The following RAB38 variants were observed in gnomAD, a reference collection of about 807,000 sequenced individuals.
The protein encoded by RAB38 is ras-related protein Rab-38.
In RAB38, 15 loss-of-function variants were observed where a neutral mutation model predicts 18.4. That is an observed-to-expected ratio of 0.82 (90% CI 0.55 to 1.26). The LOEUF is 1.26. Ranked by LOEUF, RAB38 falls within the 50% of genes most tolerant of loss-of-function variation. RAB38 has a pLI of 0.00. For missense variants in RAB38, 294 were observed against 267.4 expected (o/e 1.10, Z -0.69); for synonymous variants, 101 against 104.4 (o/e 0.97, Z 0.20).
the RAB38 span, among the ~76,000 whole-genome samples, chr11:87,895,522 A>C: frequency 1.3e-5 from 2 of 151,730 alleles, no homozygotes; most frequent in African/African-American, 4.8e-5. Flanking sequence ...ATTTTAATTT[A>C]GTTCTCTTAT....
chr11:87,831,644 A>G, the RAB38 span, among the ~76,000 whole-genome samples: 17 of 152,322 alleles, frequency 1.1e-4, no homozygotes, highest in Non-Finnish European at 4.4e-5. Flanking sequence ...AAGGTGAGAA[A>G]TAAGTCAGAG....
chr11:87,877,577 T>G, the RAB38 span, among the ~76,000 whole-genome samples: 1 of 151,546 alleles, frequency 6.6e-6, no homozygotes. Context: ...GTATCCAATC[T>G]ATTACAAAAT....
the RAB38 span, among the ~76,000 whole-genome samples, chr11:87,958,252 A>C: frequency 6.6e-6 from 1 of 152,202 alleles, no homozygotes; most frequent in Non-Finnish European, 1.5e-5. Context: ...AGCACATATA[A>C]GTAGGCTCGG....
chr11:87,963,822 A>AT, the RAB38 span, among the ~76,000 whole-genome samples: 8 of 151,598 alleles, frequency 5.3e-5, no homozygotes, highest in Non-Finnish European at 1.0e-4. Flanking sequence ...AATTTTTTGT[A>AT]TTTTTAGTAG....
rs1037202963 is a variant in RAB38, at chr11:88,149,867, T to C, written c.291A>G (p.Thr97=). 2.5e-6 allele frequency: 4 copies of C among 1,614,072 alleles called. No homozygotes were observed. The highest frequency in any genetic ancestry group is 1.3e-5 in the African/African-American group (1 of 75,020). ...TTTTCCACTTTGCCACTGCTTCAAA[T>C]GTGGCTGGCCTGGTGACATCGAAGA... ...FIVFDVTRPA[T]FEAVAKWKND... The change falls in exon 2 of 3, where the codon ACA becomes ACG. Residue 97 remains threonine, a synonymous_variant. Transcript: ENST00000243662.
chr11:88,090,763 CA>C, the RAB38 span, among the ~76,000 whole-genome samples: 1 of 151,788 alleles, frequency 6.6e-6, no homozygotes, highest in Non-Finnish European at 1.5e-5. Flanking sequence ...TAACAAATGC[CA>C]AAAAACCTAC....
the RAB38 span, among the ~76,000 whole-genome samples, chr11:87,831,389 CTAAA>C: frequency 7.2e-5 from 11 of 152,128 alleles, no homozygotes; most frequent in African/African-American, 2.4e-4. Context: ...GTGGAATAGA[CTAAA>C]TAAGTGCCAA....
intron 1 of RAB38, chr11:88,166,923 A>G (rs1943252810): frequency 6.6e-6 from 1 of 152,192 alleles, no homozygotes; most frequent in Admixed American, 6.5e-5. Flanking sequence ...TCTTAGAATT[A>G]AGGCATTGAT....
the RAB38 span, among the ~76,000 whole-genome samples, chr11:88,067,988 T>TAC: frequency 6.8e-6 from 1 of 148,032 alleles, no homozygotes; most frequent in Admixed American, 6.8e-5. Context: ...TATACTTATA[T>TAC]ATATACACAT....
chr11:87,852,983 A>C, the RAB38 span, among the ~76,000 whole-genome samples: 1 of 152,224 alleles, frequency 6.6e-6, no homozygotes, highest in South Asian at 2.1e-4. Flanking sequence ...ATTTCACTAC[A>C]AAATGGGATG....
chr11:88,050,383 A>G, the RAB38 span, among the ~76,000 whole-genome samples: 1 of 152,142 alleles, frequency 6.6e-6, no homozygotes, highest in Non-Finnish European at 1.5e-5. Flanking sequence ...GAGAAACTCA[A>G]CCTAAAGCTA....
At chr11:88,128,163 T>C (rs1305786922) in intron 2 of RAB38, among the ~76,000 whole-genome samples, 3 of 152,226 alleles carry the variant, frequency 2.0e-5, no homozygotes, top group African/African-American at 7.2e-5. Context: ...GCCCTGATGT[T>C]GCTACAAACT....
the RAB38 span, among the ~76,000 whole-genome samples, chr11:87,935,663 A>G: frequency 6.6e-6 from 1 of 152,098 alleles, no homozygotes; most frequent in Admixed American, 6.6e-5. Context: ...GTACAATACA[A>G]TCAAGATGTT....
chr11:87,897,448 A>G, the RAB38 span, among the ~76,000 whole-genome samples: 196 of 151,772 alleles, frequency 1.3e-3, 1 homozygote, highest in African/African-American at 4.4e-3. Flanking sequence ...CCTATTTCCC[A>G]GATCTTAAAA....
chr11:87,819,946 A>G, the RAB38 span, among the ~76,000 whole-genome samples: 3 of 152,224 alleles, frequency 2.0e-5, no homozygotes, highest in African/African-American at 4.8e-5. Context: ...TATGGGCAGC[A>G]GCAGGACTGC....
At chr11:87,963,044 A>C in the RAB38 span, among the ~76,000 whole-genome samples, 8 of 152,192 alleles carry the variant, frequency 5.3e-5, no homozygotes, top group African/African-American at 1.9e-4. Flanking sequence ...TAAAATGCAG[A>C]GCTATTTATG....
chr11:87,861,431 G>T, the RAB38 span, among the ~76,000 whole-genome samples: 1 of 151,868 alleles, frequency 6.6e-6, no homozygotes, highest in African/African-American at 2.4e-5. Context: ...ATGAAACAAA[G>T]CTTTACCAGC....
At chr11:87,918,270 T>A in the RAB38 span, among the ~76,000 whole-genome samples, 1 of 152,162 alleles carries the variant, frequency 6.6e-6, no homozygotes, top group African/African-American at 2.4e-5. Flanking sequence ...TGCCACATAT[T>A]CTTTATCCAT....
intron 1 of RAB38, 40 bp downstream of exon 1, chr11:88,175,143 G>C (rs973794860): frequency 1.3e-6 from 2 of 1,516,054 alleles, no homozygotes; most frequent in Non-Finnish European, 1.8e-6. Flanking sequence ...AACCGGCCGC[G>C]AGGCGCTCTA....
Sources: gnomAD v4.1 joint callset for allele counts (sites outside exome capture counted in the v4.1 genomes callset) on GRCh38, gnomAD v4.1.1 for gene constraint, MANE v1.5 for transcripts, NCBI Gene and HGNC (gene_info 2026-07-23, HGNC 2026-07-21) for gene names.